Variants in LMO1 observed in about 807,000 individuals in gnomAD.
LMO1 encodes the protein LIM domain only 1.
LMO1 carries 10 observed loss-of-function variants against 18.0 expected under a neutral mutation model. The observed-to-expected ratio is 0.55, with a 90% CI of 0.34 to 0.94. The LOEUF is 0.94. LMO1 is among the 40% of genes least tolerant of loss of function. LMO1 has a pLI of 0.02. For missense variants in LMO1, 183 were observed against 205.7 expected (o/e 0.89, Z 0.68); for synonymous variants, 77 against 77.9 (o/e 0.99, Z 0.06).
intron 3 of LMO1, among the ~76,000 whole-genome samples, chr11:8,225,404 C>CAAAAA (rs34847129): frequency 5.8e-5 from 2 of 34,700 alleles, no homozygotes; most frequent in Admixed American, 4.2e-4. Flanking sequence ...GACTCCATCT[C>CAAAAA]AAAAAAAAAA....
At chr11:8,224,761 C>T (rs779277285) in intron 3 of LMO1, 40 bp from the exon 4 acceptor site, 6 of 1,386,270 alleles carry the variant, frequency 4.3e-6, no homozygotes, top group Non-Finnish European at 5.0e-6. Context: ...ATGGGAAGGT[C>T]CCAGTGGGTA....
intron 1 of LMO1, among the ~76,000 whole-genome samples, chr11:8,235,670 T>C (rs1173981151): frequency 6.6e-6 from 1 of 152,232 alleles, no homozygotes; most frequent in Admixed American, 6.5e-5. Context: ...AATGGCATTT[T>C]TGAAGAGTAC....
At chr11:8,262,035 G>GGGGCATCGGCACC (rs376885094) in intron 1 of LMO1, among the ~76,000 whole-genome samples, 69 of 152,286 alleles carry the variant, frequency 4.5e-4, no homozygotes, top group African/African-American at 1.4e-3. Flanking sequence ...TAGCAGCCTG[G>GGGGCATCGGCACC]GGGCATCGGC....
At chr11:8,253,813 C>T (rs945615385) in intron 1 of LMO1, among the ~76,000 whole-genome samples, 2 of 152,006 alleles carry the variant, frequency 1.3e-5, no homozygotes, top group Non-Finnish European at 2.9e-5. Flanking sequence ...TTTTTCCCCG[C>T]CGAGACTCAG....
chr11:8,236,362 T>TG (rs961655034), intron 1 of LMO1, among the ~76,000 whole-genome samples: 24 of 150,700 alleles, frequency 1.6e-4, no homozygotes, highest in African/African-American at 5.4e-4. Flanking sequence ...GGCTAATTTT[T>TG]GGGGGGAGGA....
Position 8,239,065 on chromosome 11 carries a change from G to A in LMO1, c.26-8561C>T, listed in dbSNP as rs116266489. ...CCCCCATTTCACAGATGAGAAGACG[G>A]TGGCCTGGGAAGTTTCAGGTCATGC... On this transcript the variant is annotated intron_variant, in intron 1 of 3. Coordinates refer to ENST00000335790, the MANE Select transcript of LMO1 (RefSeq NM_002315.3). 7.6e-3 allele frequency among the ~76,000 whole-genome samples: 1,162 copies of A among 152,284 alleles called. 15 individuals carry two copies. The highest frequency in any genetic ancestry group is 0.027 in the African/African-American group (1,117 of 41,542).
intron 3 of LMO1, among the ~76,000 whole-genome samples, chr11:8,225,945 G>C (rs536843752): frequency 6.6e-6 from 1 of 152,212 alleles, no homozygotes; most frequent in African/African-American, 2.4e-5. Flanking sequence ...GGGCTGAAGG[G>C]CTCTGGCTCC....
At position 8,227,007 on chromosome 11, in the gene LMO1, G is replaced by T. The variant is rs1339095792; in HGVS notation, c.333C>A (p.Leu111=). The T allele has an allele frequency of 4.3e-6, 7 of 1,613,592 alleles. No individual in the cohort carries two copies. In the South Asian group the frequency reaches 6.6e-5, roughly 15 times the overall value. Residue 111 remains leucine, a synonymous_variant, in exon 3 of 4, where the codon CTC becomes CTA. Coordinates refer to ENST00000335790, the MANE Select transcript of LMO1 (RefSeq NM_002315.3). Reference sequence around the variant, plus strand: ...TGCAGAGCTGGCAGGCGAAGCAGTCGAGGTGATACACGTTGTCCCGGGCCC... The same window carrying T: ...TGCAGAGCTGGCAGGCGAAGCAGTCTAGGTGATACACGTTGTCCCGGGCCC... ...VMRARDNVYH[L]DCFACQLCNQ...
chr11:8,227,201 C>T (rs1952563452), intron 2 of LMO1, 101 bp from the exon 3 acceptor site: 1 of 1,520,164 alleles, frequency 6.6e-7, no homozygotes, highest in Non-Finnish European at 8.8e-7. Context: ...CATACTCCAA[C>T]TTGTGGGCTC....
upstream of LMO1, chr11:8,268,505 G>A (rs1590573670): frequency 2.3e-6 from 3 of 1,326,734 alleles, no homozygotes; most frequent in Admixed American, 3.1e-5. Flanking sequence ...GCGTGGCTCC[G>A]ACTCCCGCCG....
At chr11:8,268,326 C>G, upstream of LMO1, 3 of 1,067,984 alleles carry the variant, frequency 2.8e-6, no homozygotes, top group East Asian at 9.9e-5. Flanking sequence ...GCTGAGGGCT[C>G]TGCCGCCGCT....
Position 8,263,443 on chromosome 11 carries a change from C to T in LMO1, c.-81G>A, listed in dbSNP as rs981934086. 18 of 1,575,018 alleles carry T rather than the reference C, an allele frequency of 1.1e-5. No individual in the cohort carries two copies. The highest frequency in any genetic ancestry group is 1.8e-5 in the Admixed American group (1 of 56,722). ...TCGGGGCGCGCTTTGGAGGGGCGGC[C>T]GGTCTTCGGGCAGCTAGCGGGCTCT... On this transcript the variant is annotated 5_prime_UTR_variant, in exon 1 of 4. Coordinates refer to ENST00000335790, the MANE Select transcript of LMO1 (RefSeq NM_002315.3).
chr11:8,261,072 T>C (rs1380032395), intron 1 of LMO1, among the ~76,000 whole-genome samples: 2 of 152,132 alleles, frequency 1.3e-5, no homozygotes, highest in Non-Finnish European at 2.9e-5. Flanking sequence ...CTCCTCTTAA[T>C]AGGGAGTGGA....
chr11:8,234,780 C>T (rs568478113), intron 1 of LMO1, among the ~76,000 whole-genome samples: 1 of 152,188 alleles, frequency 6.6e-6, no homozygotes, highest in Admixed American at 6.5e-5. Context: ...CTCTCCCTCC[C>T]GCAAATGGAT....
intron 1 of LMO1, among the ~76,000 whole-genome samples, chr11:8,260,705 C>T (rs1022866239): frequency 1.3e-5 from 2 of 152,190 alleles, no homozygotes; most frequent in East Asian, 1.9e-4. Flanking sequence ...CCCAGCAGAG[C>T]GGGAGCTTTG....
At chr11:8,250,972 G>A (rs1846980593) in intron 1 of LMO1, among the ~76,000 whole-genome samples, 1 of 152,182 alleles carries the variant, frequency 6.6e-6, no homozygotes, top group African/African-American at 2.4e-5. Context: ...AGGGGACAGG[G>A]CCTTCCACCT....
intron 1 of LMO1, among the ~76,000 whole-genome samples, 187 bp downstream of exon 1, chr11:8,263,151 C>A (rs868435539): frequency 2.6e-5 from 4 of 151,402 alleles, no homozygotes; most frequent in East Asian, 2.0e-4. Flanking sequence ...CTCCTCCCCC[C>A]GCAAGTTCCG....
intron 1 of LMO1, among the ~76,000 whole-genome samples, chr11:8,251,665 GTGTT>G (rs990687698): frequency 1.3e-5 from 2 of 152,136 alleles, no homozygotes; most frequent in African/African-American, 4.8e-5. Flanking sequence ...CCAGGGGTGT[GTGTT>G]TGTGTGTGAG....
At chr11:8,255,817 A>ACTTTT (rs1847085315) in intron 1 of LMO1, among the ~76,000 whole-genome samples, 1 of 75,002 alleles carries the variant, frequency 1.3e-5, no homozygotes, top group African/African-American at 4.3e-5. Flanking sequence ...ACAATGCCGC[A>ACTTTT]CTTTTTTTTT....
Sources: allele counts gnomAD v4.1 joint callset (sites outside exome capture counted in the v4.1 genomes callset), GRCh38; gene constraint gnomAD v4.1.1; transcripts MANE v1.5; gene names NCBI Gene and HGNC (gene_info 2026-07-23, HGNC 2026-07-21).